The following KLHL23 variants were observed in gnomAD, a reference collection of about 807,000 sequenced individuals.
KLHL23 encodes kelch-like protein 23.
In KLHL23, 33 loss-of-function variants were observed where a neutral mutation model predicts 48.9. That is an observed-to-expected ratio of 0.67 (90% CI 0.51 to 0.90). KLHL23 has a LOEUF of 0.90. KLHL23 is among the 40% of genes least tolerant of loss of function. KLHL23 has a pLI of 0.00. For synonymous variants in KLHL23, 234 were observed against 231.6 expected (o/e 1.01, Z -0.09); for missense variants, 608 against 669.6 (o/e 0.91, Z 1.02).
intron 3 of KLHL23, among the ~76,000 whole-genome samples, chr2:169,748,122 T>A (rs1334917517): frequency 6.6e-6 from 1 of 152,192 alleles, no homozygotes; most frequent in African/African-American, 2.4e-5. Flanking sequence ...AGACCCTGTC[T>A]CTAGGAAAGA....
rs1278664705 is a variant in KLHL23 at position 169,751,079 on chromosome 2, A to G, written c.*1347A>G. On this transcript the variant is annotated 3_prime_UTR_variant, in exon 4 of 4. Coordinates refer to ENST00000392647, the MANE Select transcript of KLHL23 (RefSeq NM_144711.6). ...CACTGCAAATCACAGACAGGCCTAG[A>G]TACAGATCCCCTCACCCCTTGCTAC... The G allele has an allele frequency of 1.3e-5, 2 of 152,268 alleles. No individual in the cohort carries two copies. The highest frequency in any genetic ancestry group is 2.9e-5 in the Non-Finnish European group (2 of 68,074). The allele number at this position is 152,268 out of a possible 1,614,324, so 9.4% of individuals were successfully genotyped here.
At chr2:169,743,738 A>G (rs1327352483) in intron 3 of KLHL23, among the ~76,000 whole-genome samples, 1 of 152,202 alleles carries the variant, frequency 6.6e-6, no homozygotes, top group Non-Finnish European at 1.5e-5. Context: ...CAGTCCTTCC[A>G]ATTCTCCTCA....
chr2:169,741,177 T>G (rs1291303848), intron 2 of KLHL23: 4 of 483,588 alleles, frequency 8.3e-6, no homozygotes, highest in African/African-American at 1.9e-5. Flanking sequence ...TTGTGCGTGG[T>G]GCATGGCTGT....
intron 3 of KLHL23, among the ~76,000 whole-genome samples, chr2:169,742,715 G>T (rs562399744): frequency 6.6e-6 from 1 of 152,282 alleles, no homozygotes; most frequent in South Asian, 2.1e-4. Flanking sequence ...TTAGCCCCAG[G>T]CTTCCCTGGC....
rs1688512590 is a variant in KLHL23 at position 169,736,233 on chromosome 2, T to A, written c.1213+6T>A. 6.3e-7 allele frequency: 1 copy of A among 1,589,100 alleles called. No homozygotes were observed. The highest frequency in any genetic ancestry group is 1.8e-5 in the Admixed American group (1 of 54,950). On this transcript the variant is annotated splice_donor_region_variant and intron_variant, in intron 2 of 3. Transcript: ENST00000392647. ...TATTGCAAACATGATTAAAGGTAAG[T>A]GGAGATTATGTTTATTTTGTATTTT...
At chr2:169,734,873 C>G in intron 1 of KLHL23, 140 bp from the exon 2 acceptor site, 4 of 1,151,932 alleles carry the variant, frequency 3.5e-6, no homozygotes, top group Non-Finnish European at 4.7e-6. Flanking sequence ...ACAGTCCATC[C>G]ACATTTTGCA....
Position 169,735,949 on chromosome 2 carries a change from G to A in KLHL23, c.935G>A (p.Ser312Asn), listed in dbSNP as rs1201443901. ...GAEIPDYTRESYGVTCLGPNI... is the reference protein window; with the variant it reads ...GAEIPDYTRENYGVTCLGPNI... ...GAAATACCAGATTATACCAGGGAGA[G>A]CTATGGTGTTACATGTTTAGGACCC... Residue 312 changes from serine to asparagine, a missense_variant, in exon 2 of 4, where the codon AGC becomes AAC. By Grantham distance (46) the Ser-to-Asn change is conservative. Around this residue, in one of 3 missense-constraint regions of KLHL23, gnomAD observed 419 missense variants for 473.1 expected, o/e 0.89. Transcript: ENST00000392647. This position sits in a 1 kb window ranked among gnomAD's most constrained non-coding sequence, Gnocchi z 4.5. 1 of 1,614,198 alleles carries A rather than the reference G, an allele frequency of 6.2e-7. No homozygotes were observed. The highest frequency in any genetic ancestry group is 8.5e-7 in the Non-Finnish European group (1 of 1,180,040).
At chr2:169,749,172 CCTCCTA>C (rs1193472321) in intron 3 of KLHL23, among the ~76,000 whole-genome samples, 1 of 152,164 alleles carries the variant, frequency 6.6e-6, no homozygotes, top group Non-Finnish European at 1.5e-5. Flanking sequence ...TCCTCCCTGG[CCTCCTA>C]CAGAGCCAGC....
intron 3 of KLHL23, among the ~76,000 whole-genome samples, chr2:169,747,483 T>A (rs1267998164): frequency 1.2e-5 from 1 of 86,496 alleles, no homozygotes; most frequent in African/African-American, 4.0e-5. Flanking sequence ...TTTTTTTTTT[T>A]AAGAGACAGG....
In KLHL23 at chr2:169,750,019, G is replaced by T. The variant is rs1688918992; in HGVS notation, c.*287G>T. On this transcript the variant is annotated 3_prime_UTR_variant, in exon 4 of 4. Transcript: ENST00000392647. The stretch of plus-strand genomic sequence containing the variant: ...TACATATATGTGTATATATACGTAT[G>T]TATGTATACATATGTGTATATATAG... 1.2e-5 allele frequency: 1 copy of T among 81,482 alleles called. No individual in the cohort carries two copies. 5.0% of individuals were successfully genotyped at this position (81,482 alleles called of 1,614,324 possible).
At chr2:169,742,758 C>T (rs959203715) in intron 3 of KLHL23, among the ~76,000 whole-genome samples, 1 of 152,174 alleles carries the variant, frequency 6.6e-6, no homozygotes, top group Admixed American at 6.5e-5. Flanking sequence ...TAAACTTCTC[C>T]CTCCTAGTAG....
chr2:169,741,676 T>C (rs976207949), intron 3 of KLHL23, 139 bp downstream of exon 3: 2 of 1,059,448 alleles, frequency 1.9e-6, no homozygotes, highest in Admixed American at 3.1e-5. Flanking sequence ...TCTCAAAATA[T>C]TCATATATGT....
Position 169,750,922 on chromosome 2 carries a change from G to T in KLHL23, c.*1190G>T, listed in dbSNP as rs2105663883. 6.6e-6 allele frequency: 1 copy of T among 152,322 alleles called. No homozygotes were observed. Among genetic ancestry groups the T allele is most frequent in the Non-Finnish European group, 1.5e-5 (1 of 68,030 alleles). 9.4% of individuals were successfully genotyped at this position (152,322 alleles called of 1,614,324 possible). On this transcript the variant is annotated 3_prime_UTR_variant, in exon 4 of 4. Transcript: ENST00000392647. ...TTAGAGCCAGAAAGCATGTAGAGCA[G>T]TTGTGATTAGTAGAAAATACACTGA...
In KLHL23 at chr2:169,749,432, G is replaced by A. The variant is rs1431361249; in HGVS notation, c.1377G>A (p.Leu459=). 6 of 1,605,358 alleles carry A rather than the reference G, an allele frequency of 3.7e-6. No homozygotes were observed. The highest frequency in any genetic ancestry group is 2.2e-5 in the East Asian group (1 of 44,734). ...ITSSPHPEYG[L]CSVPFENKLY... is the part of the protein sequence containing the mutation. ...TTTTCTTTTTAAAAGAATATGGATTGTGCTCAGTTCCGTTTGAAAATAAGC... is the reference window on the plus strand; with the variant it reads ...TTTTCTTTTTAAAAGAATATGGATTATGCTCAGTTCCGTTTGAAAATAAGC... Residue 459 remains leucine (L), a synonymous_variant, in exon 4 of 4, where the codon TTG becomes TTA. Transcript: ENST00000392647.
At chr2:169,734,207 G>A (rs1688453707) in intron 1 of KLHL23, 120 bp downstream of exon 1, 1 of 147,512 alleles carries the variant, frequency 6.8e-6, no homozygotes, top group Non-Finnish European at 1.5e-5. Context: ...GGCCGCGCGG[G>A]AGAGGAGCGC....
intron 3 of KLHL23, among the ~76,000 whole-genome samples, chr2:169,742,803 C>G (rs1574525672): frequency 6.6e-6 from 1 of 152,356 alleles, no homozygotes; most frequent in South Asian, 2.1e-4. Context: ...CCACCACTTT[C>G]TGCTGTGATC....
chr2:169,741,660 TAA>T, intron 3 of KLHL23, 123 bp downstream of exon 3: 1 of 1,216,546 alleles, frequency 8.2e-7, no homozygotes, highest in Non-Finnish European at 1.1e-6. Flanking sequence ...TGGGTAGAAT[TAA>T]AAGTCTCAAA....
At position 169,750,335 on chromosome 2, in the gene KLHL23, A is replaced by G. The variant is rs1688944874; in HGVS notation, c.*603A>G. On this transcript the variant is annotated 3_prime_UTR_variant, in exon 4 of 4. Transcript: ENST00000392647. ...GGAATGAAATGTTTCTCAAGAGCCT[A>G]TAATATAGTAGATAGTGCATATTAA... 6.6e-6 allele frequency: 1 copy of G among 152,418 alleles called. No individual in the cohort carries two copies. Among genetic ancestry groups the G allele is most frequent in the African/African-American group, 2.4e-5 (1 of 41,334 alleles). The allele number at this position is 152,418 out of a possible 1,614,324, so 9.4% of individuals were successfully genotyped here.
rs763935877 is a variant in KLHL23 at position 169,735,635 on chromosome 2, G to T, written c.621G>T (p.Trp207Cys). ...CTATCATAGAGCCAGTTATTAAGTG[G>T]ACTGCTCATGATGTAGAAAATCGAA... ...EEAIIEPVIK[W>C]TAHDVENRIE... Residue 207 changes from tryptophan (W) to cysteine (C), a missense_variant, in exon 2 of 4, where the codon TGG becomes TGT. Trp to Cys is a radical substitution (Grantham distance 215). Around this residue, in one of 3 missense-constraint regions of KLHL23, gnomAD observed 419 missense variants for 473.1 expected, o/e 0.89. Coordinates refer to ENST00000392647, the MANE Select transcript of KLHL23 (RefSeq NM_144711.6). The surrounding 1 kb of genome is among the most constrained non-coding windows in gnomAD (Gnocchi z 4.5). The T allele has an allele frequency of 2.5e-6, 4 of 1,613,890 alleles. No homozygotes were observed. The highest frequency in any genetic ancestry group is 1.3e-5 in the African/African-American group (1 of 74,926).
Sources: gnomAD v4.1 joint callset for allele counts (sites outside exome capture counted in the v4.1 genomes callset) on GRCh38, gnomAD v4.1.1 for gene constraint, gnomAD v4.1.1 regional missense constraint, Gnocchi (gnomAD v3.1) non-coding constraint, MANE v1.5 for transcripts, NCBI Gene and HGNC (gene_info 2026-07-23, HGNC 2026-07-21) for gene names.